NRG3: variants seen among roughly 807,000 people sequenced by gnomAD.
NRG3 encodes the protein neuregulin 3.
A neutral mutation model predicts 66.9 loss-of-function variants in NRG3; 31 were observed. That is an observed-to-expected ratio of 0.46 (90% confidence interval 0.35 to 0.63). NRG3 has a LOEUF of 0.63. Ranked by LOEUF, NRG3 falls within the 20% of genes least tolerant of loss-of-function variation. NRG3 has a pLI of 0.00. For missense variants in NRG3, 910 were observed against 878.9 expected (o/e 1.04, Z -0.45); for synonymous variants, 393 against 359.4 (o/e 1.09, Z -1.06).
intron 1 of NRG3, among the ~76,000 whole-genome samples, chr10:82,249,692 A>C (rs1278033462): frequency 6.6e-6 from 1 of 152,230 alleles, no homozygotes; most frequent in Non-Finnish European, 1.5e-5. Flanking sequence ...ATGGTGTGGG[A>C]AACATAGATT....
intron 3 of NRG3, among the ~76,000 whole-genome samples, chr10:82,848,118 T>C (rs2063392158): frequency 6.6e-6 from 1 of 152,212 alleles, no homozygotes; most frequent in African/African-American, 2.4e-5. Context: ...TGAATTTCAT[T>C]GAGTCACTAA....
chr10:82,947,053 C>T (rs77353466), intron 4 of NRG3, among the ~76,000 whole-genome samples: 313 of 152,184 alleles, frequency 2.1e-3, no homozygotes, highest in African/African-American at 6.9e-3. Flanking sequence ...GTAATTGAGA[C>T]GATTAACATG....
chr10:82,608,911 C>T (rs2048132751), intron 2 of NRG3, among the ~76,000 whole-genome samples: 1 of 152,122 alleles, frequency 6.6e-6, no homozygotes, highest in African/African-American at 2.4e-5. Flanking sequence ...GACTGGGCCT[C>T]CCTGGTGTTT....
At chr10:81,928,462 A>C (rs1460249809) in intron 1 of NRG3, among the ~76,000 whole-genome samples, 3 of 152,252 alleles carry the variant, frequency 2.0e-5, no homozygotes. Context: ...AGAGATATTA[A>C]AACAAATTAT....
chr10:82,079,349 T>C (rs1050806982), intron 1 of NRG3, among the ~76,000 whole-genome samples: 4 of 152,132 alleles, frequency 2.6e-5, no homozygotes, highest in African/African-American at 9.7e-5. Context: ...AGACTTTATA[T>C]TTAAGAGCAG....
At chr10:81,944,196 A>G (rs1182026615) in intron 1 of NRG3, among the ~76,000 whole-genome samples, 1 of 152,248 alleles carries the variant, frequency 6.6e-6, no homozygotes, top group Non-Finnish European at 1.5e-5. Context: ...AGAAATCCAC[A>G]TGGCATGCCC....
intron 1 of NRG3, among the ~76,000 whole-genome samples, chr10:82,061,343 T>C (rs1333412743): frequency 6.6e-6 from 1 of 151,790 alleles, no homozygotes; most frequent in Admixed American, 6.6e-5. Context: ...AGAGCAAGAT[T>C]TTCCCTCTCA....
At chr10:82,761,899 C>T (rs913012074) in intron 3 of NRG3, among the ~76,000 whole-genome samples, 18 of 144,260 alleles carry the variant, frequency 1.2e-4, no homozygotes, top group Non-Finnish European at 2.0e-4. Context: ...TTCTTCCTTC[C>T]GTTCTTTCTT....
chr10:82,861,795 C>T (rs144073163), intron 3 of NRG3, among the ~76,000 whole-genome samples: 2 of 152,264 alleles, frequency 1.3e-5, no homozygotes, highest in East Asian at 3.9e-4. Flanking sequence ...CACCTGTGGT[C>T]CACTGTTTGA....
At chr10:82,057,389 C>G (rs2063899319) in intron 1 of NRG3, among the ~76,000 whole-genome samples, 1 of 152,044 alleles carries the variant, frequency 6.6e-6, no homozygotes, top group Non-Finnish European at 1.5e-5. Context: ...AGTCCAATAT[C>G]TGTTGTTCTT....
chr10:81,903,996 A>ATATT (rs1195979571), intron 1 of NRG3, among the ~76,000 whole-genome samples: 82 of 91,974 alleles, frequency 8.9e-4, no homozygotes, highest in Non-Finnish European at 1.3e-3. Context: ...ATATATATAT[A>ATATT]TTTTTTTTTT....
intron 1 of NRG3, among the ~76,000 whole-genome samples, chr10:81,966,398 T>C (rs141198452): frequency 3.3e-5 from 5 of 151,964 alleles, no homozygotes; most frequent in African/African-American, 1.2e-4. Flanking sequence ...TATCCTCTTG[T>C]TTCTGGTTTT....
chr10:82,600,128 A>G (rs1439724832), intron 2 of NRG3, among the ~76,000 whole-genome samples: 1 of 152,126 alleles, frequency 6.6e-6, no homozygotes, highest in African/African-American at 2.4e-5. Flanking sequence ...TGGATGGCAT[A>G]CTTCCCTTAT....
At chr10:82,156,354 A>G (rs948619806) in intron 1 of NRG3, among the ~76,000 whole-genome samples, 2 of 151,498 alleles carry the variant, frequency 1.3e-5, no homozygotes, top group African/African-American at 4.8e-5. Flanking sequence ...ACTGGAAGGT[A>G]TGTCCATGTA....
intron 2 of NRG3, among the ~76,000 whole-genome samples, chr10:82,454,095 C>T (rs2091160031): frequency 6.6e-6 from 1 of 152,176 alleles, no homozygotes. Context: ...TTATTGTTCT[C>T]TTTCATATCT....
intron 1 of NRG3, among the ~76,000 whole-genome samples, chr10:81,937,852 T>C (rs1156782246): frequency 2.6e-5 from 4 of 152,112 alleles, no homozygotes; most frequent in Non-Finnish European, 5.9e-5. Flanking sequence ...CCCTGATTCA[T>C]CCAGTAGTTT....
chr10:82,548,762 T>G (rs2044108026), intron 2 of NRG3, among the ~76,000 whole-genome samples: 1 of 132,236 alleles, frequency 7.6e-6, no homozygotes, highest in Admixed American at 7.3e-5. Context: ...CATAAATAAA[T>G]TAATTAATTA....
chr10:81,923,355 G>C (rs903081294), intron 1 of NRG3, among the ~76,000 whole-genome samples: 1 of 152,048 alleles, frequency 6.6e-6, no homozygotes, highest in Admixed American at 6.5e-5. Flanking sequence ...ACAGGCGCCC[G>C]CCACCGCGCC....
At chr10:82,194,275 G>A (rs2074330071) in intron 1 of NRG3, among the ~76,000 whole-genome samples, 1 of 152,140 alleles carries the variant, frequency 6.6e-6, no homozygotes, top group Non-Finnish European at 1.5e-5. Context: ...GATTTTTGGA[G>A]TGCTGTGACA....
Sources: gnomAD v4.1 joint callset for allele counts (sites outside exome capture counted in the v4.1 genomes callset) on GRCh38, gnomAD v4.1.1 for gene constraint, MANE v1.5 for transcripts, NCBI Gene and HGNC (gene_info 2026-07-23, HGNC 2026-07-21) for gene names.